Variants in GRIP2 observed in about 807,000 individuals in gnomAD.
The protein encoded by GRIP2 is glutamate receptor-interacting protein 2.
In GRIP2, 58 loss-of-function variants were observed where a neutral mutation model predicts 108.3. The ratio of observed to expected loss-of-function variants is 0.54; its 90% confidence interval spans 0.43 to 0.67. The LOEUF (loss-of-function observed/expected upper bound fraction) is 0.67. Among genes scored for constraint, GRIP2 ranks in the 30% least tolerant of loss-of-function variants. The pLI, the probability that GRIP2 is intolerant of heterozygous loss-of-function variation, is 0.00. For synonymous variants in GRIP2, 586 were observed against 598.2 expected (o/e 0.98, Z 0.30); for missense variants, 1,278 against 1,430.6 (o/e 0.89, Z 1.72).
intron 20 of GRIP2, among the ~76,000 whole-genome samples, chr3:14,504,546 G>A (rs1293958709): frequency 1.3e-5 from 2 of 152,060 alleles, no homozygotes; most frequent in Admixed American, 6.5e-5. Context: ...TCCCGACCTC[G>A]TGATCTGCCC....
At position 14,525,869 on chromosome 3, in the gene GRIP2, G is replaced by A. The variant is rs375887985; in HGVS notation, c.103C>T (p.Arg35Cys). Residue 35 changes from arginine (R) to cysteine (C), a missense_variant, in exon 2 of 24, where the codon CGC becomes TGC. By Grantham distance (180) the Arg-to-Cys change is radical (BLOSUM62 -3). Transcript: ENST00000621039. Reference protein sequence around the residue: ...AGGADVSLACRRQSIPEEFRG... With the variant: ...AGGADVSLACCRQSIPEEFRG... ...TCATTACCTGGAATGCTCTGTCTGC[G>A]GCACGCCAGGGAAACGTCGGCCCCT... 28 of 1,559,448 alleles carry A rather than the reference G, an allele frequency of 1.8e-5. No individual in the cohort carries two copies. The highest frequency in any genetic ancestry group is 3.4e-4 in the Middle Eastern group (2 of 5,960).
the GRIP2 span, among the ~76,000 whole-genome samples, chr3:14,569,819 G>A: frequency 2.2e-4 from 33 of 152,310 alleles, 1 homozygote; most frequent in African/African-American, 7.9e-4. Context: ...ACCACCACTT[G>A]CCAAGGGGAA....
the GRIP2 span, among the ~76,000 whole-genome samples, chr3:14,567,577 TG>T: frequency 6.6e-6 from 1 of 152,162 alleles, no homozygotes; most frequent in Admixed American, 6.5e-5. Context: ...CAACACACAC[TG>T]GGGACTCTTC....
At chr3:14,503,832 C>T in intron 20 of GRIP2, 161 bp from the exon 21 acceptor site, 1 of 603,650 alleles carries the variant, frequency 1.7e-6, no homozygotes, top group Non-Finnish European at 2.9e-6. Context: ...GTTCTGGGGC[C>T]CCGGGGCAGT....
chr3:14,590,692 C>T, the GRIP2 span, among the ~76,000 whole-genome samples: 12 of 152,178 alleles, frequency 7.9e-5, no homozygotes, highest in African/African-American at 1.9e-4. Flanking sequence ...ACCTTTCAAC[C>T]GCCTAACGAG....
intron 22 of GRIP2, among the ~76,000 whole-genome samples, chr3:14,495,491 C>T (rs570798837): frequency 1.3e-5 from 2 of 152,296 alleles, no homozygotes; most frequent in Admixed American, 1.3e-4. Context: ...ACTGCAACCT[C>T]CGCCTACTGG....
In GRIP2 at chr3:14,492,771, C is replaced by A. The variant is rs746705555; in HGVS notation, c.*894G>T. ...AAATGACCCCTCCCACATGGAGGGG[C>A]TTGGGCTGAGCGGACGTGCAGATGG... On this transcript the variant is annotated 3_prime_UTR_variant, in exon 24 of 24. Transcript: ENST00000621039. 6.6e-6 allele frequency: 1 copy of A among 152,236 alleles called. No individual in the cohort carries two copies. The highest frequency in any genetic ancestry group is 1.5e-5 in the Non-Finnish European group (1 of 68,068). 9.4% of individuals were successfully genotyped at this position (152,236 alleles called of 1,614,324 possible).
At chr3:14,517,626 CG>C (rs1694290965) in intron 10 of GRIP2, 145 bp downstream of exon 10, 2 of 1,041,730 alleles carry the variant, frequency 1.9e-6, no homozygotes, top group Non-Finnish European at 1.4e-6. Context: ...CTCAGCCTCC[CG>C]AGTGGCTGGG....
In GRIP2 at chr3:14,512,006, G is replaced by T. The variant is rs1290084035; in HGVS notation, c.1721-527C>A. On this transcript the variant is annotated intron_variant, in intron 14 of 23. Transcript: ENST00000621039. The surrounding 1 kb of genome is among the most constrained non-coding windows in gnomAD (Gnocchi z 5.1). ...TTAAACACCGATGAAGTGAGCTGTGGAGAAACCTGAGAAACGGGCTTGTGT... is the reference window on the plus strand; with the variant it reads ...TTAAACACCGATGAAGTGAGCTGTGTAGAAACCTGAGAAACGGGCTTGTGT... Among the ~76,000 whole-genome samples the T allele has an allele frequency of 6.6e-6, 1 of 152,202 alleles. No homozygotes were observed. Among genetic ancestry groups the T allele is most frequent in the Admixed American group, 6.5e-5 (1 of 15,276 alleles).
At chr3:14,581,169 T>C in the GRIP2 span, among the ~76,000 whole-genome samples, 1 of 152,306 alleles carries the variant, frequency 6.6e-6, no homozygotes, top group African/African-American at 2.4e-5. Flanking sequence ...GATCTATTGG[T>C]TCTCTTTCTG....
chr3:14,517,825 C>T lies in GRIP2; in HGVS notation c.1103G>A (p.Gly368Asp). 3 of 1,605,114 alleles carry T rather than the reference C, an allele frequency of 1.9e-6. No homozygotes were observed. Among genetic ancestry groups the T allele is most frequent in the Non-Finnish European group, 2.6e-6 (3 of 1,176,372 alleles). Reference protein sequence around the residue: ...CVPSCHSPRPGHCRMPTWATP... With the variant: ...CVPSCHSPRPDHCRMPTWATP... ...GGCCCAGGTGGGCATCCTGCAGTGGCCGGGCCGGGGGCTGTGGCAGGAGGG... is the reference window on the plus strand; with the variant it reads ...GGCCCAGGTGGGCATCCTGCAGTGGTCGGGCCGGGGGCTGTGGCAGGAGGG... Residue 368 changes from glycine (G) to aspartate (D), a missense_variant, in exon 10 of 24, where the codon GGC becomes GAC. By Grantham distance (94) the Gly-to-Asp change is moderately conservative. Transcript: ENST00000621039.
At chr3:14,510,942 C>CA (rs770936946) in intron 16 of GRIP2, among the ~76,000 whole-genome samples, 2 of 152,202 alleles carry the variant, frequency 1.3e-5, no homozygotes, top group Non-Finnish European at 2.9e-5. Flanking sequence ...GGGAGAGTCT[C>CA]AAACTCCTGT....
chr3:14,583,144 G>C, the GRIP2 span, among the ~76,000 whole-genome samples: 1 of 152,160 alleles, frequency 6.6e-6, no homozygotes, highest in Non-Finnish European at 1.5e-5. Flanking sequence ...TTTCGGCTCT[G>C]GGGGTGGCAG....
In GRIP2 at chr3:14,548,558, G is replaced by A. The variant is rs546860656; in HGVS notation, c.55+7342C>T. 1.1e-4 allele frequency among the ~76,000 whole-genome samples: 16 copies of A among 152,324 alleles called. No homozygotes were observed. In the South Asian group the frequency reaches 2.7e-3, roughly 26 times the overall value. On this transcript the variant is annotated intron_variant, in intron 1 of 23. Transcript: ENST00000637182. ...GCCTGTGACCGGCTTTGGTGCCAGCGTCAGCCTGTGGCTAACACTGTGCCC... is the reference window on the plus strand; with the variant it reads ...GCCTGTGACCGGCTTTGGTGCCAGCATCAGCCTGTGGCTAACACTGTGCCC...
In GRIP2 at chr3:14,525,448, T is replaced by C. The variant is rs780469395; in HGVS notation, c.246A>G (p.Gly82=). 9 of 1,611,610 alleles carry C rather than the reference T, an allele frequency of 5.6e-6. No homozygotes were observed. The highest frequency in any genetic ancestry group is 1.7e-5 in the Admixed American group (1 of 59,932). The change falls in exon 3 of 24, where the codon GGA becomes GGG. Residue 82 remains glycine (G), a synonymous_variant. Transcript: ENST00000621039. ...KPRVSNLRPG[G]LAARSDLLNI... is the part of the protein sequence containing the mutation. ...AGCCCACTTCTCACCTGGCTGCAAG[T>C]CCCCCAGGTCTCAGGTTGGAGACCC...
In GRIP2 at chr3:14,517,195, A is replaced by G. The variant is rs374622886; in HGVS notation, c.1175T>C (p.Phe392Ser). The G allele has an allele frequency of 1.7e-5, 27 of 1,593,960 alleles. No individual in the cohort carries two copies. In the African/African-American group the frequency reaches 3.0e-4, roughly 18 times the overall value. The change falls in exon 11 of 24, where the codon TTT (phenylalanine) becomes TCT (serine). Residue 392 changes from phenylalanine to serine, a missense_variant. Physicochemically the swap from Phe to Ser is radical, Grantham distance 155 (BLOSUM62 -2). Coordinates refer to ENST00000621039, the MANE Select transcript of GRIP2 (RefSeq NM_001080423.4). Reference sequence around the variant, plus strand: ...GGCGTGGTTCAAGGTCGGCGAGGAAAAGGGAGTTGAAGACAAGGCTGGGGA... The same window carrying G: ...GGCGTGGTTCAAGGTCGGCGAGGAAGAGGGAGTTGAAGACAAGGCTGGGGA... ...DQSRSLSSTP[F>S]SSPTLNHAFS...
chr3:14,548,722 T>A lies in GRIP2; in HGVS notation c.55+7178A>T, dbSNP rs1431343238. ...TATGTACACTGTCTCATGGAATCTT[T>A]CAAGAATCCTATGGGATAGACATTG... On this transcript the variant is annotated intron_variant, in intron 1 of 23. Coordinates refer to the GRIP2 transcript ENST00000637182. Among the ~76,000 whole-genome samples, 4 of 152,190 alleles carry A rather than the reference T, an allele frequency of 2.6e-5. No homozygotes were observed. In the East Asian group the frequency reaches 5.8e-4, roughly 22 times the overall value.
intron 11 of GRIP2, among the ~76,000 whole-genome samples, chr3:14,516,713 A>G (rs905735376): frequency 6.6e-6 from 1 of 152,244 alleles, no homozygotes. Flanking sequence ...GGCTTTATCC[A>G]TGAATGAATC....
the GRIP2 span, among the ~76,000 whole-genome samples, chr3:14,566,575 G>A: frequency 1.3e-5 from 2 of 152,216 alleles, no homozygotes; most frequent in Non-Finnish European, 2.9e-5. Flanking sequence ...CAGAGTCAGG[G>A]TGGGGACAGA....
Sources: gnomAD v4.1 joint callset for allele counts (sites outside exome capture counted in the v4.1 genomes callset) on GRCh38, gnomAD v4.1.1 for gene constraint, Gnocchi (gnomAD v3.1) non-coding constraint, MANE v1.5 for transcripts, NCBI Gene and HGNC (gene_info 2026-07-23, HGNC 2026-07-21) for gene names.